SLC4A4: variants seen among roughly 807,000 people sequenced by gnomAD.
SLC4A4 encodes solute carrier family 4 member 4, also known as electrogenic sodium bicarbonate cotransporter 1.
SLC4A4 carries 27 observed loss-of-function variants against 111.5 expected under a neutral mutation model. The ratio of observed to expected loss-of-function variants is 0.24; its 90% CI spans 0.18 to 0.33. The LOEUF is 0.33. SLC4A4 is among the 10% of genes least tolerant of loss of function. The pLI, the probability that SLC4A4 is intolerant of heterozygous loss-of-function variation, is 1.00. For missense variants in SLC4A4, 909 were observed against 1,315.5 expected (o/e 0.69, Z 4.78); for synonymous variants, 443 against 463.4 (o/e 0.96, Z 0.57).
At chr4:71,540,156 G>A (rs943632732) in intron 18 of SLC4A4, among the ~76,000 whole-genome samples, 1 of 152,160 alleles carries the variant, frequency 6.6e-6, no homozygotes, top group Non-Finnish European at 1.5e-5. Context: ...GAGGAACCAT[G>A]TCATGGCTCT....
In SLC4A4 at chr4:71,444,846, C is replaced by T. The variant is rs149924572; in HGVS notation, c.966-2800C>T. On this transcript the variant is annotated intron_variant, in intron 8 of 25. Coordinates refer to ENST00000264485, the MANE Select transcript of SLC4A4 (RefSeq NM_001098484.3). ...CCATTCCTCCAGATGACATTTTTGGCTTGAGGTTATGTTTCCTGCTGCTTA... is the reference window on the plus strand; with the variant it reads ...CCATTCCTCCAGATGACATTTTTGGTTTGAGGTTATGTTTCCTGCTGCTTA... Among the ~76,000 whole-genome samples, 36 of 152,170 alleles carry T rather than the reference C, an allele frequency of 2.4e-4. No homozygotes were observed. The East Asian group carries it at 6.2e-3, about 26-fold the overall frequency.
chr4:71,236,458 T>C (rs1387256767), intron 1 of SLC4A4, 118 bp from the exon 2 acceptor site: 1 of 916,308 alleles, frequency 1.1e-6, no homozygotes, highest in East Asian at 2.8e-5. Context: ...GAAGAGTGAC[T>C]CTGCCCTGCT....
At chr4:71,405,604 G>T (rs1038836510) in intron 7 of SLC4A4, among the ~76,000 whole-genome samples, 3 of 152,064 alleles carry the variant, frequency 2.0e-5, no homozygotes, top group Non-Finnish European at 4.4e-5. Context: ...AAGTGGAATT[G>T]CTGGATTACC....
chr4:71,278,967 T>C (rs1374976632), intron 3 of SLC4A4, among the ~76,000 whole-genome samples: 1 of 152,178 alleles, frequency 6.6e-6, no homozygotes, highest in Non-Finnish European at 1.5e-5. Context: ...ATAAAAGCTG[T>C]ACAAATTTAT....
intron 3 of SLC4A4, among the ~76,000 whole-genome samples, chr4:71,258,751 G>A (rs1047787890): frequency 6.6e-6 from 1 of 152,222 alleles, no homozygotes; most frequent in Admixed American, 6.5e-5. Context: ...CATAAAATCT[G>A]GTCTTCGCTT....
chr4:71,091,137 G>A (rs1387558465), intron 1 of SLC4A4, among the ~76,000 whole-genome samples: 2 of 152,050 alleles, frequency 1.3e-5, no homozygotes, highest in African/African-American at 4.8e-5. Context: ...TAGTAGAGAT[G>A]AGGTTTCACC....
intron 6 of SLC4A4, among the ~76,000 whole-genome samples, chr4:71,364,698 G>A (rs1731090412): frequency 1.3e-5 from 2 of 152,134 alleles, no homozygotes; most frequent in Non-Finnish European, 1.5e-5. Flanking sequence ...TATTGCATTG[G>A]AGATTAGGCT....
chr4:71,156,347 C>G (rs1203310680), intron 2 of SLC4A4, among the ~76,000 whole-genome samples: 1 of 152,022 alleles, frequency 6.6e-6, no homozygotes, highest in Non-Finnish European at 1.5e-5. Flanking sequence ...TTTTATTATG[C>G]TGATGCTTCA....
intron 2 of SLC4A4, among the ~76,000 whole-genome samples, chr4:71,242,026 AG>A (rs1313938347): frequency 1.3e-5 from 2 of 152,196 alleles, no homozygotes; most frequent in African/African-American, 4.8e-5. Flanking sequence ...TTTCACTTCA[AG>A]GAAGGCTGAT....
chr4:71,114,214 C>A (rs1224531286), intron 2 of SLC4A4, among the ~76,000 whole-genome samples: 1 of 152,152 alleles, frequency 6.6e-6, no homozygotes, highest in South Asian at 2.1e-4. Context: ...CCACTGCACT[C>A]CAGCCTGGGT....
chr4:71,139,666 C>A (rs888194514), intron 2 of SLC4A4, among the ~76,000 whole-genome samples: 1 of 152,196 alleles, frequency 6.6e-6, no homozygotes, highest in African/African-American at 2.4e-5. Flanking sequence ...TGGCCATTCA[C>A]TTGCTAATCT....
intron 16 of SLC4A4, among the ~76,000 whole-genome samples, chr4:71,509,877 C>A (rs535904476): frequency 7.2e-5 from 11 of 152,230 alleles, no homozygotes; most frequent in African/African-American, 2.4e-4. Context: ...CTGCAGGCAC[C>A]TGTGTAAACA....
intron 12 of SLC4A4, among the ~76,000 whole-genome samples, chr4:71,464,181 A>G (rs555384994): frequency 3.9e-5 from 6 of 152,160 alleles, no homozygotes; most frequent in Non-Finnish European, 8.8e-5. Context: ...TTGAAATCCT[A>G]GTCTGTGGTA....
chr4:71,300,391 C>A, intron 3 of SLC4A4: 1 of 231,834 alleles, frequency 4.3e-6, no homozygotes. Context: ...CAGGACACAA[C>A]GAAGAGGCAT....
chr4:71,566,539 G>A (rs1347295371), intron 24 of SLC4A4, among the ~76,000 whole-genome samples: 1 of 151,712 alleles, frequency 6.6e-6, no homozygotes, highest in Admixed American at 6.6e-5. Flanking sequence ...TGAGCATTTT[G>A]CCTGAAATGT....
At chr4:71,218,717 G>C (rs1294832577) in intron 1 of SLC4A4, among the ~76,000 whole-genome samples, 1 of 152,096 alleles carries the variant, frequency 6.6e-6, no homozygotes, top group Non-Finnish European at 1.5e-5. Flanking sequence ...GTAAAAGGGG[G>C]ATGATAATAG....
At chr4:71,108,958 T>C (rs1743017453) in intron 2 of SLC4A4, among the ~76,000 whole-genome samples, 1 of 152,170 alleles carries the variant, frequency 6.6e-6, no homozygotes, top group African/African-American at 2.4e-5. Context: ...CTTTATCTAG[T>C]TGATCTGCCA....
intron 6 of SLC4A4, among the ~76,000 whole-genome samples, chr4:71,388,090 G>A (rs1324267226): frequency 6.6e-6 from 1 of 152,170 alleles, no homozygotes; most frequent in Non-Finnish European, 1.5e-5. Context: ...ACCGTTGATA[G>A]GTTTTCCCTC....
chr4:71,099,876 A>G (rs890696223), intron 2 of SLC4A4, among the ~76,000 whole-genome samples: 9 of 152,202 alleles, frequency 5.9e-5, no homozygotes, highest in African/African-American at 9.6e-5. Flanking sequence ...ATTCCTGGCT[A>G]CATATATCCT....
Sources: allele counts gnomAD v4.1 joint callset (sites outside exome capture counted in the v4.1 genomes callset), GRCh38; gene constraint gnomAD v4.1.1; transcripts MANE v1.5; gene names NCBI Gene and HGNC (gene_info 2026-07-23, HGNC 2026-07-21).